The following SPAG4 variants were observed in gnomAD, a reference collection of about 807,000 sequenced individuals.
SPAG4 encodes sperm-associated antigen 4 protein.
SPAG4 carries 54 observed loss-of-function variants against 53.9 expected under a neutral mutation model. That is an observed-to-expected ratio of 1.00 (90% CI 0.80 to 1.26). SPAG4 has a LOEUF of 1.26. SPAG4 is among the 50% of genes most tolerant of loss of function. SPAG4 has a pLI of 0.00. For synonymous variants in SPAG4, 246 were observed against 237.4 expected, an observed-to-expected ratio of 1.04 and a Z score of -0.33; for missense variants, 548 against 568.6, an observed-to-expected ratio of 0.96 and a Z score of 0.37.
chr20:35,617,623 C>T (rs375839704), intron 3 of SPAG4, 37 bp downstream of exon 3: 639 of 1,605,288 alleles, frequency 4.0e-4, no homozygotes, highest in Non-Finnish European at 5.3e-4. Context: ...AGGAACAGCT[C>T]TTTGGAGGGG....
chr20:35,620,651 T>G, intron 10 of SPAG4, 33 bp from the exon 11 acceptor site: 1 of 184,512 alleles, frequency 5.4e-6, no homozygotes, highest in Non-Finnish European at 1.0e-5. Flanking sequence ...CCTGTCCCCC[T>G]CATAGTTCCT....
chr20:35,617,613 A>G, intron 3 of SPAG4, 27 bp downstream of exon 3: 2 of 1,607,344 alleles, frequency 1.2e-6, no homozygotes, highest in Non-Finnish European at 8.5e-7. Context: ...CTGGCGCCCC[A>G]GGAACAGCTC....
rs1012380658 is a variant in SPAG4 at position 35,616,284 on chromosome 20, C to T, written c.281C>T (p.Ala94Val). ...SHNWQTACGA[A>V]TVRGGASEPT... is the part of the protein sequence containing the mutation. Reference sequence around the variant, plus strand: ...AACTGGCAGACAGCCTGTGGCGCGGCAACCGTGAGGGGCGGGGCCTCGGGT... The same window carrying T: ...AACTGGCAGACAGCCTGTGGCGCGGTAACCGTGAGGGGCGGGGCCTCGGGT... Residue 94 changes from alanine to valine, a missense_variant, in exon 1 of 12, where the codon GCA becomes GTA. Ala to Val is a moderately conservative substitution (Grantham distance 64). Coordinates refer to ENST00000374273, the MANE Select transcript of SPAG4 (RefSeq NM_003116.3). The T allele has an allele frequency of 6.8e-7, 1 of 1,466,892 alleles. No homozygotes were observed. Among genetic ancestry groups the T allele is most frequent in the African/African-American group, 1.5e-5 (1 of 68,942 alleles). 90.9% of individuals were successfully genotyped at this position (1,466,892 alleles called of 1,614,324 possible). A position where few individuals can be genotyped will look rare whatever the true frequency, so the allele number is the denominator to read the frequency against.
chr20:35,619,759 GAGGTC>G lies in SPAG4; in HGVS notation c.1077+17_1077+21del. 1 of 1,596,940 alleles carries G rather than the reference GAGGTC, an allele frequency of 6.3e-7. No individual in the cohort carries two copies. Among genetic ancestry groups the G allele is most frequent in the Non-Finnish European group, 8.6e-7 (1 of 1,168,336 alleles). ...TTTCGCGGTCTTTGTGAGTGCGGAC[GAGGTC>G]AGGAGGTGGGGGATTTTGCCTAGAG... On this transcript the variant is annotated intron_variant, in intron 10 of 11. Transcript: ENST00000374273.
At chr20:35,618,528 G>A in intron 6 of SPAG4, 53 bp downstream of exon 6, 1 of 1,611,176 alleles carries the variant, frequency 6.2e-7, no homozygotes, top group Non-Finnish European at 8.5e-7. Flanking sequence ...TTGCTTCTTT[G>A]AGAACCTTGA....
intron 7 of SPAG4, 69 bp downstream of exon 7, chr20:35,618,789 G>T: frequency 6.9e-6 from 10 of 1,441,288 alleles, no homozygotes; most frequent in Non-Finnish European, 8.6e-6. Context: ...CTTAAGCTCC[G>T]CCCAGAGCCC....
intron 10 of SPAG4, 42 bp from the exon 11 acceptor site, chr20:35,620,642 C>CCG: frequency 2.8e-6 from 2 of 712,974 alleles, no homozygotes; most frequent in African/African-American, 2.1e-5. Flanking sequence ...CCCGCCCCAC[C>CCG]TGTCCCCCTC....
Position 35,619,219 on chromosome 20 carries a change from CATCCCACG to C in SPAG4, c.821_828del (p.Ser274LeufsTer39). 1 of 1,613,548 alleles carries C rather than the reference CATCCCACG, an allele frequency of 6.2e-7. No individual in the cohort carries two copies. The highest frequency in any genetic ancestry group is 1.3e-5 in the African/African-American group (1 of 74,860). Reference sequence around the variant, plus strand: ...GGAGCCTCCATCGACCTGCAGAAGACATCCCACGATTACGCAGACAGGAACACTGCCTA... The same window carrying C: ...GGAGCCTCCATCGACCTGCAGAAGACATTACGCAGACAGGAACACTGCCTA... On this transcript the variant is annotated frameshift_variant, in exon 9 of 12. Transcript: ENST00000374273. LOFTEE classifies it high-confidence loss of function.
chr20:35,620,948 T>A lies in SPAG4; in HGVS notation c.1240T>A (p.Cys414Ser), dbSNP rs1158787602. The change falls in exon 12 of 12, where the codon TGC (cysteine) becomes AGC (serine). Residue 414 changes from cysteine (C) to serine (S), a missense_variant. By Grantham distance (112) the Cys-to-Ser change is moderately radical. Coordinates refer to ENST00000374273, the MANE Select transcript of SPAG4 (RefSeq NM_003116.3). ...CAACTGGGGCCACCCCCGTTTCACG[T>A]GCTTGTATCGAGTCCGTGCCCACGG... Reference protein sequence around the residue: ...LSNWGHPRFTCLYRVRAHGVR... With the variant: ...LSNWGHPRFTSLYRVRAHGVR... 6.2e-7 allele frequency: 1 copy of A among 1,614,070 alleles called. No individual in the cohort carries two copies. The highest frequency in any genetic ancestry group is 8.5e-7 in the Non-Finnish European group (1 of 1,180,034).
rs764820820 is a variant in SPAG4, at chr20:35,619,257, T to A, written c.856T>A (p.Trp286Arg). Residue 286 changes from tryptophan (W) to arginine (R), a missense_variant, in exon 9 of 12, where the codon TGG becomes AGG. By Grantham distance (101) the Trp-to-Arg change is moderately radical. Coordinates refer to ENST00000374273, the MANE Select transcript of SPAG4 (RefSeq NM_003116.3). Reference sequence around the variant, plus strand: ...CGCAGACAGGAACACTGCCTACTTCTGGAATCGCTTCAGCTTCTGGAACTA... The same window carrying A: ...CGCAGACAGGAACACTGCCTACTTCAGGAATCGCTTCAGCTTCTGGAACTA... ...DYADRNTAYF[W>R]NRFSFWNYAR... 6.2e-7 allele frequency: 1 copy of A among 1,614,000 alleles called. No individual in the cohort carries two copies. Among genetic ancestry groups the A allele is most frequent in the South Asian group, 1.1e-5 (1 of 91,076 alleles).
chr20:35,618,371 C>G, intron 5 of SPAG4, 79 bp from the exon 6 acceptor site: 1 of 1,576,140 alleles, frequency 6.3e-7, no homozygotes, highest in Non-Finnish European at 8.7e-7. Context: ...AAAAGGAAGC[C>G]CTGGCCGTTT....
rs757289441 is a variant in SPAG4 at position 35,617,750 on chromosome 20, G to C, written c.477-29G>C. On this transcript the variant is annotated intron_variant, in intron 3 of 11. Coordinates refer to ENST00000374273, the MANE Select transcript of SPAG4 (RefSeq NM_003116.3). ...TGGGGACTGGAGGGTTGAGCAGGTC[G>C]GGGCCTCAGCCTCCCTCCGGTTCCC... The C allele has an allele frequency of 7.5e-6, 12 of 1,609,488 alleles. 1 individual carries two copies. Among genetic ancestry groups the C allele is most frequent in the South Asian group, 5.5e-5 (5 of 90,964 alleles).
At position 35,618,941 on chromosome 20, in the gene SPAG4, T is replaced by C; in HGVS notation, c.736T>C (p.Phe246Leu). The C allele has an allele frequency of 6.2e-7, 1 of 1,614,202 alleles. No homozygotes were observed. The highest frequency in any genetic ancestry group is 8.5e-7 in the Non-Finnish European group (1 of 1,180,020). ...ANSERVAKLVFQRLNEDFVRK... is the reference protein window; with the variant it reads ...ANSERVAKLVLQRLNEDFVRK... ...CTTGCAGAGAGTGGCCAAGCTCGTG[T>C]TCCAGAGGCTGAATGAGGATTTTGT... is the stretch of plus-strand genomic sequence containing the variant. Residue 246 changes from phenylalanine to leucine, a missense_variant, in exon 8 of 12, where the codon TTC (phenylalanine) becomes CTC (leucine). By Grantham distance (22) the Phe-to-Leu change is conservative. Coordinates refer to ENST00000374273, the MANE Select transcript of SPAG4 (RefSeq NM_003116.3).
At position 35,617,232 on chromosome 20, in the gene SPAG4, G is replaced by T; in HGVS notation, c.401G>T (p.Ser134Ile). Residue 134 changes from serine (S) to isoleucine (I), a missense_variant, in exon 2 of 12, where the codon AGC becomes ATC. Coordinates refer to ENST00000374273, the MANE Select transcript of SPAG4 (RefSeq NM_003116.3). ...ATGCCTCCCCCGCGGGTGTTCAAGA[G>T]CTTTCTGAGTACGGGCCAGGCCAGC... Reference protein sequence around the residue: ...QEMPPPRVFKSFLSLLFQGLS... With the variant: ...QEMPPPRVFKIFLSLLFQGLS... 6.3e-7 allele frequency: 1 copy of T among 1,596,886 alleles called. No individual in the cohort carries two copies. The highest frequency in any genetic ancestry group is 8.5e-7 in the Non-Finnish European group (1 of 1,171,678).
At chr20:35,618,180 C>A (rs768399364) in intron 5 of SPAG4, 50 bp downstream of exon 5, 10 of 1,578,860 alleles carry the variant, frequency 6.3e-6, no homozygotes, top group Non-Finnish European at 8.7e-6. Context: ...GTTGTGAACC[C>A]GGAGATTGTG....
chr20:35,616,998 A>G (rs781233323), intron 1 of SPAG4, 138 bp from the exon 2 acceptor site: 82 of 627,072 alleles, frequency 1.3e-4, no homozygotes, highest in Middle Eastern at 2.8e-4. Context: ...GAGCCGGGAT[A>G]GGGCTGCGGT....
At chr20:35,619,476 G>A (rs6088903) in intron 9 of SPAG4, 103 bp from the exon 10 acceptor site, 1 of 1,500,584 alleles carries the variant, frequency 6.7e-7, no homozygotes, top group South Asian at 1.2e-5. Flanking sequence ...TGGAGGTGGA[G>A]CTCTGGGCGG....
rs1468937034 is a variant in SPAG4 at position 35,618,602 on chromosome 20, C to T, written c.609-10C>T. The T allele has an allele frequency of 2.6e-5, 41 of 1,598,668 alleles. 1 individual carries two copies. The East Asian group carries it at 9.0e-4, about 35-fold the overall frequency. On this transcript the variant is annotated splice_polypyrimidine_tract_variant and intron_variant, in intron 6 of 11. Coordinates refer to ENST00000374273, the MANE Select transcript of SPAG4 (RefSeq NM_003116.3). The stretch of plus-strand genomic sequence containing the variant: ...GAGCCAACCCCACGGCGCCCACCTC[C>T]CACCTCCAGTGAGTACCACGAGCGC...
At chr20:35,619,029 C>A in intron 8 of SPAG4, 31 bp downstream of exon 8, 1 of 1,591,740 alleles carries the variant, frequency 6.3e-7, no homozygotes, top group Non-Finnish European at 8.6e-7. Context: ...AAGACAGAGA[C>A]GCAGACAGGA....
Sources: allele counts gnomAD v4.1 joint callset, GRCh38; gene constraint gnomAD v4.1.1; transcripts MANE v1.5; gene names NCBI Gene and HGNC (gene_info 2026-07-23, HGNC 2026-07-21).